The following LRP10 variants were observed in gnomAD, a reference collection of about 807,000 sequenced individuals.
LRP10 encodes LDL receptor related protein 10.
A neutral mutation model predicts 58.5 loss-of-function variants in LRP10; 42 were observed. The observed-to-expected ratio is 0.72, with a 90% CI of 0.56 to 0.93. The LOEUF (loss-of-function observed/expected upper bound fraction) is 0.93. Ranked by LOEUF, LRP10 falls within the 40% of genes least tolerant of loss-of-function variation. The pLI is 0.00. For missense variants in LRP10, 872 were observed against 940.1 expected (o/e 0.93, Z 0.95); for synonymous variants, 377 against 388.5 (o/e 0.97, Z 0.35).
In LRP10 at chr14:22,879,002, T is replaced by A; in HGVS notation, c.*1475T>A. On this transcript the variant is annotated 3_prime_UTR_variant, in exon 7 of 7. Coordinates refer to ENST00000359591, the MANE Select transcript of LRP10 (RefSeq NM_014045.5). ...CTGAGGAATTCCCTAACGGACCCAG[T>A]CCCTGGGGAAAGAGGCTCCCCTCAG... is the stretch of plus-strand genomic sequence containing the variant. 1 of 319,384 alleles carries A rather than the reference T, an allele frequency of 3.1e-6. No homozygotes were observed. Among genetic ancestry groups the A allele is most frequent in the Non-Finnish European group, 6.5e-6 (1 of 152,882 alleles). 19.8% of individuals were successfully genotyped at this position (319,384 alleles called of 1,614,324 possible).
In LRP10 at chr14:22,873,446, G is replaced by A. The variant is rs374211450; in HGVS notation, c.215G>A (p.Arg72Lys). The A allele has an allele frequency of 1.4e-5, 23 of 1,613,872 alleles. No individual in the cohort carries two copies. In the African/African-American group the frequency reaches 2.8e-4, roughly 20 times the overall value. ...LGSKEQTVTI[R>K]FQKLHLACGS... Reference sequence around the variant, plus strand: ...AGCAAGGAACAGACTGTCACCATCAGGTGAGAAGCAGAACAAGAGCAAGAA... The same window carrying A: ...AGCAAGGAACAGACTGTCACCATCAAGTGAGAAGCAGAACAAGAGCAAGAA... Residue 72 changes from arginine (R) to lysine (K), a missense_variant and splice_region_variant, in exon 3 of 7, where the codon AGG becomes AAG. Coordinates refer to ENST00000359591, the MANE Select transcript of LRP10 (RefSeq NM_014045.5).
In LRP10 at chr14:22,875,972, T is replaced by C. The variant is rs771794656; in HGVS notation, c.1024T>C (p.Trp342Arg). The change falls in exon 5 of 7, where the codon TGG (tryptophan) becomes CGG (arginine). Residue 342 changes from tryptophan (W) to arginine (R), a missense_variant. By Grantham distance (101) the Trp-to-Arg change is moderately radical. Transcript: ENST00000359591. ...TGAGGCACAGCGCTGTGACGGCTCA[T>C]GGGACTGTGCTGACGGCACAGATGA... ...YSEAQRCDGSWDCADGTDEED... is the reference protein window; with the variant it reads ...YSEAQRCDGSRDCADGTDEED... 6.2e-7 allele frequency: 1 copy of C among 1,613,502 alleles called. No individual in the cohort carries two copies. The highest frequency in any genetic ancestry group is 8.5e-7 in the Non-Finnish European group (1 of 1,180,018).
rs867765266 is a variant in LRP10 at position 22,879,539 on chromosome 14, C to T, written c.*2012C>T. ...TCAAATACCTGCAGCCTGATATCTT[C>T]ATCCCTTCATCCAGACCTTTTCTCT... On this transcript the variant is annotated 3_prime_UTR_variant, in exon 7 of 7. Transcript: ENST00000359591. 1.6e-4 allele frequency: 32 copies of T among 201,702 alleles called. No individual in the cohort carries two copies. The Middle Eastern group carries it at 9.4e-3, about 59-fold the overall frequency. 12.5% of individuals were successfully genotyped at this position (201,702 alleles called of 1,614,324 possible).
Position 22,876,961 on chromosome 14 carries a change from C to T in LRP10, c.1576C>T (p.Arg526Cys), listed in dbSNP as rs375804347. The change falls in exon 7 of 7, where the codon CGT (arginine) becomes TGT (cysteine). Residue 526 changes from arginine (R) to cysteine (C), a missense_variant. Coordinates refer to ENST00000359591, the MANE Select transcript of LRP10 (RefSeq NM_014045.5). ...PNDNSVLGNL[R>C]SLLQILRQDM... is the part of the protein sequence containing the mutation. ...GCAGAACTCAGTGCTGGGCAACCTG[C>T]GTTCTCTGCTACAGATCTTACGCCA... The T allele has an allele frequency of 8.8e-6, 14 of 1,590,512 alleles. No homozygotes were observed. The highest frequency in any genetic ancestry group is 6.7e-5 in the African/African-American group (5 of 74,428).
In LRP10 at chr14:22,872,346, C is replaced by T; in HGVS notation, c.34+9C>T. On this transcript the variant is annotated intron_variant, in intron 1 of 6. Transcript: ENST00000359591. ...CCTCCTCCTCCTCCTTGGTAAGAAC[C>T]GAAACGATACCAACCCCCAGCCTTC... 13 of 1,613,996 alleles carry T rather than the reference C, an allele frequency of 8.1e-6. No homozygotes were observed. Among genetic ancestry groups the T allele is most frequent in the Non-Finnish European group, 1.1e-5 (13 of 1,179,940 alleles).
rs928427449 is a variant in LRP10 at position 22,879,440 on chromosome 14, A to AT, written c.*1917dup. ...GCCCAATGGAAATAGTGAAGCAGTG[A>AT]TTTTCCCTCCCCTGCCTCTCCATAG... On this transcript the variant is annotated 3_prime_UTR_variant, in exon 7 of 7. Transcript: ENST00000359591. 22 of 266,560 alleles carry AT rather than the reference A, an allele frequency of 8.3e-5. No homozygotes were observed. Among genetic ancestry groups the AT allele is most frequent in the Middle Eastern group, 3.1e-3 (2 of 648 alleles). 16.5% of individuals were successfully genotyped at this position (266,560 alleles called of 1,614,324 possible). A position where few individuals can be genotyped will look rare whatever the true frequency, so the allele number is the denominator to read the frequency against.
At chr14:22,876,411 T>C in intron 5 of LRP10, 39 bp downstream of exon 5, 1 of 1,602,250 alleles carries the variant, frequency 6.2e-7, no homozygotes, top group South Asian at 1.1e-5. Context: ...GAGTAGACCC[T>C]GAGGGTGAGG....
In LRP10 at chr14:22,873,405, C is replaced by G. The variant is rs763290830; in HGVS notation, c.174C>G (p.Thr58=). The change falls in exon 3 of 7, where the codon ACC becomes ACG. Residue 58 remains threonine, a synonymous_variant. Coordinates refer to ENST00000359591, the MANE Select transcript of LRP10 (RefSeq NM_014045.5). The part of the protein sequence containing the change: ...RDSRTSPANC[T]WLILGSKEQT... Reference sequence around the variant, plus strand: ...GCCGCACCTCCCCTGCCAACTGCACCTGGCTCATCCTGGGCAGCAAGGAAC... The same window carrying G: ...GCCGCACCTCCCCTGCCAACTGCACGTGGCTCATCCTGGGCAGCAAGGAAC... 5.6e-6 allele frequency: 9 copies of G among 1,614,068 alleles called. No individual in the cohort carries two copies. Among genetic ancestry groups the G allele is most frequent in the Non-Finnish European group, 7.6e-6 (9 of 1,180,024 alleles).
chr14:22,875,180 T>A lies in LRP10; in HGVS notation c.341T>A (p.Ile114Asn). 1 of 1,613,384 alleles carries A rather than the reference T, an allele frequency of 6.2e-7. No homozygotes were observed. The highest frequency in any genetic ancestry group is 8.5e-7 in the Non-Finnish European group (1 of 1,179,670). The change falls in exon 4 of 7, where the codon ATC becomes AAC. Residue 114 changes from isoleucine (I) to asparagine (N), a missense_variant. Physicochemically the swap from Ile to Asn is moderately radical, Grantham distance 149. Coordinates refer to ENST00000359591, the MANE Select transcript of LRP10 (RefSeq NM_014045.5). ...CAGCTGCCCGGGGGCAACGTCACCA[T>A]CACTTACAGCTATGCTGGGGCCAGA... ...PLQLPGGNVT[I>N]TYSYAGARAP...
At position 22,876,282 on chromosome 14, in the gene LRP10, C is replaced by T. The variant is rs1345196304; in HGVS notation, c.1334C>T (p.Ala445Val). 1.2e-6 allele frequency: 2 copies of T among 1,614,032 alleles called. No homozygotes were observed. The highest frequency in any genetic ancestry group is 4.5e-5 in the East Asian group (2 of 44,900). The change falls in exon 5 of 7, where the codon GCA becomes GTA. Residue 445 changes from alanine to valine, a missense_variant. Transcript: ENST00000359591. Reference sequence around the variant, plus strand: ...CTGCCCCGCAAGGTCATTACAGCTGCAGTCATTGGCAGCCTAGTGTGCGGC... The same window carrying T: ...CTGCCCCGCAAGGTCATTACAGCTGTAGTCATTGGCAGCCTAGTGTGCGGC... ...YVLPRKVITA[A>V]VIGSLVCGLL...
intron 3 of LRP10, among the ~76,000 whole-genome samples, chr14:22,874,792 CAGG>C (rs2039985414): frequency 6.6e-6 from 1 of 152,158 alleles, no homozygotes; most frequent in Non-Finnish European, 1.5e-5. Flanking sequence ...GAGGCTGAGG[CAGG>C]AGACTCACTT....
At chr14:22,876,598 C>A in intron 5 of LRP10, 91 bp from the exon 6 acceptor site, 1 of 1,531,614 alleles carries the variant, frequency 6.5e-7, no homozygotes, top group Non-Finnish European at 8.8e-7. Flanking sequence ...GCTGGCCTGG[C>A]CCGGGTGTGG....
intron 1 of LRP10, 91 bp downstream of exon 1, chr14:22,872,428 C>G: frequency 9.4e-6 from 14 of 1,482,846 alleles, no homozygotes; most frequent in Non-Finnish European, 1.3e-5. Flanking sequence ...TCTATCCTGC[C>G]TGCCCATTCC....
chr14:22,876,486 C>A, intron 5 of LRP10, 114 bp downstream of exon 5: 2 of 1,397,826 alleles, frequency 1.4e-6, no homozygotes, highest in Non-Finnish European at 2.0e-6. Context: ...CCATGATCAG[C>A]TTGTCAGTTG....
At chr14:22,873,224 T>C in intron 2 of LRP10, 87 bp from the exon 3 acceptor site, 4 of 1,514,374 alleles carry the variant, frequency 2.6e-6, no homozygotes, top group Non-Finnish European at 2.7e-6. Context: ...GCCCAGACTT[T>C]TGGAAACCTC....
chr14:22,876,658 C>T lies in LRP10; in HGVS notation c.1425-31C>T, dbSNP rs745323538. The stretch of plus-strand genomic sequence containing the variant: ...GGTGGTCTACTCTGGCCGAGAACTA[C>T]CAGTGACTGAGCAGTCCTCATTCCT... On this transcript the variant is annotated intron_variant, in intron 5 of 6. Coordinates refer to ENST00000359591, the MANE Select transcript of LRP10 (RefSeq NM_014045.5). The T allele has an allele frequency of 1.9e-6, 3 of 1,608,162 alleles. No individual in the cohort carries two copies. In the African/African-American group the frequency reaches 4.0e-5, roughly 21 times the overall value.
rs1378904192 is a variant in LRP10 at position 22,879,502 on chromosome 14, C to T, written c.*1975C>T. 4.6e-6 allele frequency: 1 copy of T among 219,746 alleles called. No homozygotes were observed. Among genetic ancestry groups the T allele is most frequent in the African/African-American group, 2.2e-5 (1 of 45,080 alleles). 13.6% of individuals were successfully genotyped at this position (219,746 alleles called of 1,614,324 possible). ...GCCCTCTCCTTTGCTCTTCTCTTCC[C>T]CCATAGCCACCTCAAATACCTGCAG... is the stretch of plus-strand genomic sequence containing the variant. On this transcript the variant is annotated 3_prime_UTR_variant, in exon 7 of 7. Coordinates refer to ENST00000359591, the MANE Select transcript of LRP10 (RefSeq NM_014045.5).
At position 22,875,996 on chromosome 14, in the gene LRP10, G is replaced by A; in HGVS notation, c.1048G>A (p.Glu350Lys). Residue 350 changes from glutamate (E) to lysine (K), a missense_variant, in exon 5 of 7, where the codon GAG becomes AAG. Transcript: ENST00000359591. ...ATGGGACTGTGCTGACGGCACAGAT[G>A]AGGAGGACTGCCCAGGCTGCCCACC... ...GSWDCADGTD[E>K]EDCPGCPPGH... is the part of the protein sequence containing the mutation. 2 of 1,613,340 alleles carry A rather than the reference G, an allele frequency of 1.2e-6. No homozygotes were observed. The highest frequency in any genetic ancestry group is 1.7e-6 in the Non-Finnish European group (2 of 1,180,024).
chr14:22,874,185 TG>T (rs2039981042), intron 3 of LRP10, among the ~76,000 whole-genome samples: 1 of 152,204 alleles, frequency 6.6e-6, no homozygotes, highest in South Asian at 2.1e-4. Flanking sequence ...GGTCATTGTT[TG>T]GGGATCATAT....
Sources: allele counts gnomAD v4.1 joint callset (sites outside exome capture counted in the v4.1 genomes callset), GRCh38; gene constraint gnomAD v4.1.1; transcripts MANE v1.5; gene names NCBI Gene and HGNC (gene_info 2026-07-23, HGNC 2026-07-21).